The following WWP2 variants were observed in gnomAD, a reference collection of about 807,000 sequenced individuals.
WWP2 encodes NEDD4-like E3 ubiquitin-protein ligase WWP2.
A neutral mutation model predicts 121.0 loss-of-function variants in WWP2; 57 were observed. That is an observed-to-expected ratio of 0.47 (90% CI 0.38 to 0.59). The LOEUF (loss-of-function observed/expected upper bound fraction) is 0.59, where lower values mean the gene tolerates loss of function less well. Among genes scored for constraint, WWP2 ranks in the 20% least tolerant of loss-of-function variants. WWP2 has a pLI of 0.00. For synonymous variants in WWP2, 449 were observed against 441.3 expected (o/e 1.02, Z -0.22); for missense variants, 962 against 1,158.9 (o/e 0.83, Z 2.47).
At chr16:69,787,332 G>T (rs934550474) in intron 2 of WWP2, among the ~76,000 whole-genome samples, 3 of 152,202 alleles carry the variant, frequency 2.0e-5, no homozygotes, top group African/African-American at 7.2e-5. Flanking sequence ...GCTCACGCCT[G>T]TAATTCAGCA....
chr16:69,900,418 CAGG>C (rs151329313), intron 8 of WWP2, among the ~76,000 whole-genome samples: 7,859 of 152,208 alleles, frequency 0.052, 263 homozygotes, highest in Middle Eastern at 0.11. Flanking sequence ...TGCTTGAGCC[CAGG>C]AGTTCAAAAC....
At chr16:69,922,278 G>A (rs966476327) in intron 10 of WWP2, among the ~76,000 whole-genome samples, 10 of 150,574 alleles carry the variant, frequency 6.6e-5, no homozygotes, top group Admixed American at 1.3e-4. Context: ...TGCGTTCCAC[G>A]CTGCAACCTT....
Position 69,937,165 on chromosome 16 carries a change from A to G in WWP2, c.2165A>G (p.Lys722Arg), listed in dbSNP as rs746270452. ...RFTRGVEEQT[K>R]AFLDGFNEVA... ...ACCCGAGGCGTGGAAGAGCAGACCAAAGCCTTCCTGGATGGCTTCAACGAG... is the reference window on the plus strand; with the variant it reads ...ACCCGAGGCGTGGAAGAGCAGACCAGAGCCTTCCTGGATGGCTTCAACGAG... The change falls in exon 20 of 24, where the codon AAA becomes AGA. Residue 722 changes from lysine (K) to arginine (R), a missense_variant. By Grantham distance (26) the Lys-to-Arg change is conservative. Around this residue, in one of 3 missense-constraint regions of WWP2, gnomAD observed 606 missense variants for 772.6 expected, o/e 0.78. Coordinates refer to ENST00000359154, the MANE Select transcript of WWP2 (RefSeq NM_001270454.2). The surrounding 1 kb of genome is among the most constrained non-coding windows in gnomAD (Gnocchi z 6.6). The G allele has an allele frequency of 1.9e-6, 3 of 1,613,860 alleles. No homozygotes were observed. The highest frequency in any genetic ancestry group is 2.5e-6 in the Non-Finnish European group (3 of 1,179,956).
At chr16:69,846,647 C>T (rs552546173) in intron 6 of WWP2, among the ~76,000 whole-genome samples, 66 of 151,306 alleles carry the variant, frequency 4.4e-4, no homozygotes, top group Non-Finnish European at 7.5e-4. Context: ...CTTGAACCCC[C>T]GAGGTGGAGG....
intron 7 of WWP2, among the ~76,000 whole-genome samples, chr16:69,887,297 G>C (rs2057942560): frequency 6.6e-6 from 1 of 152,154 alleles, no homozygotes; most frequent in Admixed American, 6.6e-5. Flanking sequence ...TAGTGTGTAT[G>C]AGCTTTTTGA....
intron 6 of WWP2, among the ~76,000 whole-genome samples, chr16:69,850,537 C>G (rs1004811715): frequency 6.6e-6 from 1 of 152,000 alleles, no homozygotes; most frequent in South Asian, 2.1e-4. Context: ...TGGGACATTA[C>G]CTAGATATGC....
chr16:69,854,851 T>A (rs2151894266), intron 6 of WWP2, among the ~76,000 whole-genome samples: 1 of 150,656 alleles, frequency 6.6e-6, no homozygotes, highest in African/African-American at 2.4e-5. Context: ...GCGCCTAGCC[T>A]CTTTTTTGTT....
intron 8 of WWP2, chr16:69,890,983 A>G (rs1181377876): frequency 1.3e-5 from 2 of 152,252 alleles, no homozygotes; most frequent in African/African-American, 4.8e-5. Context: ...ACGATGGTCC[A>G]GAGAAGGGTG....
chr16:69,887,487 A>G (rs985861904), intron 7 of WWP2, among the ~76,000 whole-genome samples: 3 of 151,336 alleles, frequency 2.0e-5, no homozygotes, highest in African/African-American at 7.3e-5. Context: ...CTGACTGCAA[A>G]CTCTGCCTCC....
chr16:69,904,438 G>A lies in WWP2; in HGVS notation c.915-4323G>A, dbSNP rs1314082242. Reference sequence around the variant, plus strand: ...GGCTGGAGTGCAGAGGTGTGATCACGGCTCACTGCAGCCTCCAACTCCTGG... The same window carrying A: ...GGCTGGAGTGCAGAGGTGTGATCACAGCTCACTGCAGCCTCCAACTCCTGG... On this transcript the variant is annotated intron_variant, in intron 8 of 23. Coordinates refer to ENST00000359154, the MANE Select transcript of WWP2 (RefSeq NM_001270454.2). Among the ~76,000 whole-genome samples the A allele has an allele frequency of 4.0e-5, 6 of 150,498 alleles. No homozygotes were observed. In the East Asian group the frequency reaches 7.8e-4, roughly 20 times the overall value.
At chr16:69,806,221 C>T (rs2056271748) in intron 4 of WWP2, among the ~76,000 whole-genome samples, 1 of 152,054 alleles carries the variant, frequency 6.6e-6, no homozygotes, top group South Asian at 2.1e-4. Flanking sequence ...TTTTAAAAAT[C>T]TATTATATGA....
chr16:69,937,828 G>A lies in WWP2; in HGVS notation c.2343+176G>A, dbSNP rs2058822768. On this transcript the variant is annotated intron_variant, in intron 21 of 23. Coordinates refer to ENST00000359154, the MANE Select transcript of WWP2 (RefSeq NM_001270454.2). The surrounding 1 kb of genome is among the most constrained non-coding windows in gnomAD (Gnocchi z 6.6). ...GATGAACGGGGACAGTTCCAGCTGAGTGGTGGCCAGTGGATGTGACAGGAG... is the reference window on the plus strand; with the variant it reads ...GATGAACGGGGACAGTTCCAGCTGAATGGTGGCCAGTGGATGTGACAGGAG... 6.6e-6 allele frequency among the ~76,000 whole-genome samples: 1 copy of A among 152,228 alleles called. No homozygotes were observed. Among genetic ancestry groups the A allele is most frequent in the Admixed American group, 6.5e-5 (1 of 15,276 alleles).
At chr16:69,781,273 G>T (rs1242062690) in intron 1 of WWP2, among the ~76,000 whole-genome samples, 1 of 152,156 alleles carries the variant, frequency 6.6e-6, no homozygotes, top group Non-Finnish European at 1.5e-5. Context: ...TGAGGTCAGA[G>T]AGGGGTGTGG....
At position 69,929,493 on chromosome 16, in the gene WWP2, C is replaced by T; in HGVS notation, c.1280C>T (p.Thr427Ile). 6.2e-7 allele frequency: 1 copy of T among 1,614,138 alleles called. No individual in the cohort carries two copies. The highest frequency in any genetic ancestry group is 8.5e-7 in the Non-Finnish European group (1 of 1,180,002). The change falls in exon 12 of 24, where the codon ACT becomes ATT. Residue 427 changes from threonine to isoleucine, a missense_variant. Around this residue, in one of 3 missense-constraint regions of WWP2, gnomAD observed 606 missense variants for 772.6 expected, o/e 0.78. Transcript: ENST00000359154. ...CGGGTGTATTACGTGAACCATAACA[C>T]TCGCACGACCCAGTGGGAGGATCCC... ...NGRVYYVNHN[T>I]RTTQWEDPRT...
intron 7 of WWP2, among the ~76,000 whole-genome samples, chr16:69,875,687 C>G (rs1376674725): frequency 6.6e-6 from 1 of 152,230 alleles, no homozygotes. Flanking sequence ...CCATAAGACA[C>G]AACTCCTAAT....
At chr16:69,814,945 G>A (rs1050495539) in intron 4 of WWP2, among the ~76,000 whole-genome samples, 1 of 152,216 alleles carries the variant, frequency 6.6e-6, no homozygotes, top group East Asian at 1.9e-4. Context: ...TTGCTCTTCA[G>A]TTAAAAACAA....
chr16:69,836,344 C>T (rs1348598091), intron 4 of WWP2, among the ~76,000 whole-genome samples: 1 of 150,996 alleles, frequency 6.6e-6, no homozygotes, highest in East Asian at 1.9e-4. Context: ...TTCAGGAGTT[C>T]AGGACAGTTA....
intron 8 of WWP2, among the ~76,000 whole-genome samples, chr16:69,889,037 G>A (rs951003678): frequency 2.0e-5 from 3 of 152,162 alleles, no homozygotes; most frequent in South Asian, 2.1e-4. Flanking sequence ...GTCAGATGGC[G>A]TGGTGGCTCA....
intron 1 of WWP2, among the ~76,000 whole-genome samples, chr16:69,778,145 A>G (rs2055577755): frequency 6.8e-6 from 1 of 147,004 alleles, no homozygotes; most frequent in South Asian, 2.1e-4. Context: ...ACACACACAT[A>G]TATACATACA....
Sources: allele counts gnomAD v4.1 joint callset (sites outside exome capture counted in the v4.1 genomes callset), GRCh38; gene constraint gnomAD v4.1.1; regional missense constraint gnomAD v4.1.1; non-coding constraint Gnocchi (gnomAD v3.1); transcripts MANE v1.5; gene names NCBI Gene and HGNC (gene_info 2026-07-23, HGNC 2026-07-21).